MTMR10: variants seen among roughly 807,000 people sequenced by gnomAD.
MTMR10 encodes the protein myotubularin-related protein 10.
Under a neutral mutation model 88.1 loss-of-function variants are expected in MTMR10, and 56 were observed. That is an observed-to-expected ratio of 0.64 (90% confidence interval 0.51 to 0.79). MTMR10 has a LOEUF of 0.79. Ranked by LOEUF, MTMR10 falls within the 30% of genes least tolerant of loss-of-function variation. MTMR10 has a pLI of 0.00. For missense variants in MTMR10, 883 were observed against 924.7 expected, an observed-to-expected ratio of 0.95 and a Z score of 0.58; for synonymous variants, 380 against 340.9, an observed-to-expected ratio of 1.11 and a Z score of -1.26.
chr15:30,925,726 G>T, the MTMR10 span: 1 of 1,581,458 alleles, frequency 6.3e-7, no homozygotes. Context: ...CGATGCTACA[G>T]GCAGGTTTTC....
chr15:30,988,372 T>C (rs1398214460), intron 2 of MTMR10, among the ~76,000 whole-genome samples: 2 of 152,230 alleles, frequency 1.3e-5, no homozygotes, highest in Non-Finnish European at 2.9e-5. Flanking sequence ...AGAGCCGTCA[T>C]GTATGCATGT....
At chr15:30,966,934 T>C (rs967109629) in intron 6 of MTMR10, among the ~76,000 whole-genome samples, 6 of 151,478 alleles carry the variant, frequency 4.0e-5, no homozygotes, top group African/African-American at 7.3e-5. Flanking sequence ...AATTTACTTA[T>C]ACACATGCAT....
intron 2 of MTMR10, among the ~76,000 whole-genome samples, chr15:30,979,897 G>T (rs768523723): frequency 1.3e-5 from 2 of 152,238 alleles, no homozygotes; most frequent in Non-Finnish European, 2.9e-5. Flanking sequence ...TTTTGTAAAT[G>T]AAATTTTAGT....
the MTMR10 span, among the ~76,000 whole-genome samples, chr15:30,920,345 C>T: frequency 4.6e-5 from 7 of 152,224 alleles, no homozygotes; most frequent in South Asian, 1.2e-3. Flanking sequence ...TCTCATCTTA[C>T]TCCACTGTCT....
chr15:30,952,416 A>C (rs2063261568), intron 11 of MTMR10, among the ~76,000 whole-genome samples: 1 of 152,224 alleles, frequency 6.6e-6, no homozygotes, highest in Non-Finnish European at 1.5e-5. Flanking sequence ...CCCACACTAG[A>C]GTGCAGTGGC....
rs534738464 is a variant in MTMR10 at position 30,942,150 on chromosome 15, T to G, written c.1732-78A>C. On this transcript the variant is annotated intron_variant, in intron 15 of 15. Transcript: ENST00000435680. ...GAAGGATGCAATGGCAAATATAAAC[T>G]CAATACTATGAAAAATTAATGGAAT... 2.9e-5 allele frequency: 42 copies of G among 1,446,296 alleles called. 1 individual carries two copies. The African/African-American group carries it at 3.8e-4, about 13-fold the overall frequency. 89.6% of individuals were successfully genotyped at this position (1,446,296 alleles called of 1,614,324 possible). A position where few individuals can be genotyped will look rare whatever the true frequency, so the allele number is the denominator to read the frequency against.
At chr15:30,922,698 G>A in the MTMR10 span, among the ~76,000 whole-genome samples, 1 of 152,236 alleles carries the variant, frequency 6.6e-6, no homozygotes, top group Non-Finnish European at 1.5e-5. Context: ...CAAGGAAGGT[G>A]TTTGTTTTGG....
At position 30,941,817 on chromosome 15, in the gene MTMR10, G is replaced by A. The variant is rs763966306; in HGVS notation, c.1987C>T (p.Arg663Cys). Residue 663 changes from arginine to cysteine, a missense_variant, in exon 16 of 16, where the codon CGC becomes TGC. Around this residue, in one of 3 missense-constraint regions of MTMR10, gnomAD observed 343 missense variants for 323.2 expected, o/e 1.06. Coordinates refer to ENST00000435680, the MANE Select transcript of MTMR10 (RefSeq NM_017762.3). ...CTGATCTGGGCCTCGGGAACCCAGC[G>A]GAAGTAGCACAGTTTCCACAGTTTT... ...HIKLWKLCYF[R>C]WVPEAQISLG... The A allele has an allele frequency of 2.5e-6, 4 of 1,614,052 alleles. No individual in the cohort carries two copies. Among genetic ancestry groups the A allele is most frequent in the South Asian group, 2.2e-5 (2 of 91,080 alleles).
At chr15:30,982,394 T>A (rs1447548491) in intron 2 of MTMR10, among the ~76,000 whole-genome samples, 1 of 152,180 alleles carries the variant, frequency 6.6e-6, no homozygotes, top group Non-Finnish European at 1.5e-5. Flanking sequence ...ATTAACTCTA[T>A]CCTCTTTTGT....
At chr15:30,968,643 A>G (rs990833927) in intron 5 of MTMR10, among the ~76,000 whole-genome samples, 5 of 151,906 alleles carry the variant, frequency 3.3e-5, no homozygotes, top group Non-Finnish European at 5.9e-5. Context: ...GGGCTTTAGA[A>G]TCAAACAGAT....
rs2063051854 is a variant in MTMR10, at chr15:30,941,505, A to G, written c.2299T>C (p.Trp767Arg). The G allele has an allele frequency of 6.2e-7, 1 of 1,611,852 alleles. No individual in the cohort carries two copies. The highest frequency in any genetic ancestry group is 1.1e-5 in the South Asian group (1 of 90,636). Residue 767 changes from tryptophan (W) to arginine (R), a missense_variant, in exon 16 of 16, where the codon TGG becomes CGG. Trp to Arg is a moderately radical substitution (Grantham distance 101, BLOSUM62 -3). Transcript: ENST00000435680. ...LSKFLSGAKI[W>R]LSTETLANED ...TTTGCTAATGTCTCAGTAGACAACC[A>G]TATTTTGGCCCCACTTAAAAATTTG...
Position 30,960,962 on chromosome 15 carries a change from T to C in MTMR10, c.677A>G (p.Asp226Gly). 1 of 1,608,542 alleles carries C rather than the reference T, an allele frequency of 6.2e-7. No homozygotes were observed. The highest frequency in any genetic ancestry group is 8.5e-7 in the Non-Finnish European group (1 of 1,177,186). Reference protein sequence around the residue: ...QKTPLFETYSDWDREIKRTGA... With the variant: ...QKTPLFETYSGWDREIKRTGA... ...TGTCCTCTTGATTTCTCTGTCCCAA[T>C]CCGAGTAAGTTTCAAAGAGTGGAGT... is the stretch of plus-strand genomic sequence containing the variant. The change falls in exon 7 of 16, where the codon GAT becomes GGT. Residue 226 changes from aspartate to glycine, a missense_variant. Physicochemically the swap from Asp to Gly is moderately conservative, Grantham distance 94. Coordinates refer to ENST00000435680, the MANE Select transcript of MTMR10 (RefSeq NM_017762.3).
At chr15:30,922,055 A>G in the MTMR10 span, among the ~76,000 whole-genome samples, 1 of 152,212 alleles carries the variant, frequency 6.6e-6, no homozygotes, top group African/African-American at 2.4e-5. Context: ...TAGGGAACTC[A>G]TGCCCACTCC....
chr15:30,954,747 A>G lies in MTMR10; in HGVS notation c.1066+16T>C, dbSNP rs2063298249. 1 of 1,581,878 alleles carries G rather than the reference A, an allele frequency of 6.3e-7. No individual in the cohort carries two copies. ...ATCCTGTGTTCATTATATATATGAAATAAGAATGAAATTACCATTAACGCA... is the reference window on the plus strand; with the variant it reads ...ATCCTGTGTTCATTATATATATGAAGTAAGAATGAAATTACCATTAACGCA... On this transcript the variant is annotated intron_variant, in intron 10 of 15. Transcript: ENST00000435680.
In MTMR10 at chr15:30,987,621, T is replaced by C. The variant is rs184195261; in HGVS notation, c.121+3156A>G. On this transcript the variant is annotated intron_variant, in intron 2 of 15. Coordinates refer to ENST00000435680, the MANE Select transcript of MTMR10 (RefSeq NM_017762.3). ...TTGGGCAACTGAAGTAGGATACCCT[T>C]GGACCCAAGGCATTATGCCAAAGCA... 5.4e-4 allele frequency among the ~76,000 whole-genome samples: 82 copies of C among 152,344 alleles called. 1 individual carries two copies. The highest frequency in any genetic ancestry group is 1.8e-3 in the African/African-American group (76 of 41,578).
chr15:30,934,000 T>C (rs1184706169), downstream of MTMR10, among the ~76,000 whole-genome samples: 1 of 152,010 alleles, frequency 6.6e-6, no homozygotes, highest in Non-Finnish European at 1.5e-5. Context: ...GGGCTCCACG[T>C]TGGCCTCCCA....
At chr15:30,921,898 A>C in the MTMR10 span, among the ~76,000 whole-genome samples, 1 of 152,140 alleles carries the variant, frequency 6.6e-6, no homozygotes, top group Non-Finnish European at 1.5e-5. Context: ...TGGGTTTGCC[A>C]ACTGTGACCA....
chr15:30,986,812 C>T (rs569494548), intron 2 of MTMR10, among the ~76,000 whole-genome samples: 15 of 152,296 alleles, frequency 9.8e-5, no homozygotes, highest in African/African-American at 3.1e-4. Context: ...CGCCTTTCTG[C>T]GATACAGGCA....
At chr15:30,937,037 T>C, downstream of MTMR10, 4 of 1,109,440 alleles carry the variant, frequency 3.6e-6, no homozygotes, top group Non-Finnish European at 5.3e-6. Context: ...TTTAAATAGT[T>C]GTCAGTGACA....
Sources: gnomAD v4.1 joint callset for allele counts (sites outside exome capture counted in the v4.1 genomes callset) on GRCh38, gnomAD v4.1.1 for gene constraint, gnomAD v4.1.1 regional missense constraint, MANE v1.5 for transcripts, NCBI Gene and HGNC (gene_info 2026-07-23, HGNC 2026-07-21) for gene names.